Variants in A2ML1 observed in about 807,000 individuals in gnomAD.
A2ML1 encodes the protein alpha-2-macroglobulin like 1, also known as alpha-2-macroglobulin-like protein 1.
A2ML1 carries 161 observed loss-of-function variants against 181.9 expected under a neutral mutation model. The observed-to-expected ratio is 0.89, with a 90% CI of 0.78 to 1.01. The LOEUF (loss-of-function observed/expected upper bound fraction) is 1.01. Among genes scored for constraint, A2ML1 ranks in the 50% least tolerant of loss-of-function variants. The pLI is 0.00. For missense variants in A2ML1, 1,670 were observed against 1,768.1 expected, an observed-to-expected ratio of 0.94 and a Z score of 1.00; for synonymous variants, 663 against 666.8, an observed-to-expected ratio of 0.99 and a Z score of 0.09.
intron 24 of A2ML1, 27 bp from the exon 25 acceptor site, chr12:8,857,480 G>C: frequency 6.2e-7 from 1 of 1,611,492 alleles, no homozygotes; most frequent in Non-Finnish European, 8.5e-7. Context: ...TTGTCGCTGT[G>C]ATCTAAAACC....
downstream of A2ML1, among the ~76,000 whole-genome samples, chr12:8,877,188 T>C (rs757634330): frequency 2.0e-5 from 3 of 152,242 alleles, no homozygotes; most frequent in Non-Finnish European, 2.9e-5. Flanking sequence ...GGAAGTAAGA[T>C]GAATGATATT....
intron 15 of A2ML1, among the ~76,000 whole-genome samples, chr12:8,847,905 C>T (rs7977933): frequency 1.3e-5 from 2 of 151,504 alleles, no homozygotes; most frequent in Non-Finnish European, 2.9e-5. Context: ...TTTGTGAGGC[C>T]GAGGCTGGCA....
At chr12:8,880,341 C>A (rs114016609), downstream of A2ML1, among the ~76,000 whole-genome samples, 1 of 151,916 alleles carries the variant, frequency 6.6e-6, no homozygotes, top group Non-Finnish European at 1.5e-5. Context: ...ACTCCAGGAG[C>A]CTGGGCAACA....
Position 8,867,910 on chromosome 12 carries a change from C to G in A2ML1, c.3786C>G (p.Ile1262Met). 1.2e-6 allele frequency: 2 copies of G among 1,614,238 alleles called. No individual in the cohort carries two copies. Among genetic ancestry groups the G allele is most frequent in the Non-Finnish European group, 1.7e-6 (2 of 1,180,044 alleles). Residue 1262 changes from isoleucine to methionine, a missense_variant, in exon 30 of 36, where the codon ATC becomes ATG. Coordinates refer to ENST00000299698, the MANE Select transcript of A2ML1 (RefSeq NM_144670.6). The part of the protein sequence containing the change: ...ATTAYMPSEE[I>M]NLVVKSTENF... ...CCGCCTACATGCCATCTGAGGAGAT[C>G]AACCTGGTTGTAAAATCCACTGAGA...
At chr12:8,854,358 G>A (rs1592139354) in intron 21 of A2ML1, 109 bp downstream of exon 21, 2 of 1,454,568 alleles carry the variant, frequency 1.4e-6, no homozygotes, top group East Asian at 2.3e-5. Flanking sequence ...CAACCAGGCA[G>A]CTTCAACTTT....
intron 3 of A2ML1, among the ~76,000 whole-genome samples, chr12:8,825,224 G>A (rs1942890843): frequency 6.6e-6 from 1 of 151,996 alleles, no homozygotes; most frequent in Admixed American, 6.6e-5. Flanking sequence ...AGTGTATGAG[G>A]GTTCTCTTTT....
intron 13 of A2ML1, among the ~76,000 whole-genome samples, chr12:8,845,865 T>TAAATAAAATAAAATAAAATA (rs140753342): frequency 1.5e-5 from 2 of 131,210 alleles, no homozygotes; most frequent in Non-Finnish European, 3.1e-5. Context: ...AAAAAAAAAA[T>TAAATAAAATAAAATAAAATA]AAATAAAATA....
At chr12:8,878,789 T>TC (rs1176748491), downstream of A2ML1, among the ~76,000 whole-genome samples, 3 of 151,864 alleles carry the variant, frequency 2.0e-5, no homozygotes, top group African/African-American at 7.3e-5. This position sits in a 1 kb window ranked among gnomAD's most constrained non-coding sequence, Gnocchi z 4.4. Flanking sequence ...ATGGCAAAAC[T>TC]CCATCTCTAC....
intron 28 of A2ML1, among the ~76,000 whole-genome samples, chr12:8,861,695 G>T (rs1266685792): frequency 6.6e-6 from 1 of 151,638 alleles, no homozygotes; most frequent in Non-Finnish European, 1.5e-5. Flanking sequence ...CACCGTGTTA[G>T]CCAGGATGGT....
chr12:8,878,353 A>G (rs1472241245), downstream of A2ML1, among the ~76,000 whole-genome samples: 1 of 152,248 alleles, frequency 6.6e-6, no homozygotes. This position sits in a 1 kb window ranked among gnomAD's most constrained non-coding sequence, Gnocchi z 4.4. Flanking sequence ...TTGCAGCAGC[A>G]TGGATGCAGC....
chr12:8,827,719 C>T (rs983745194), intron 3 of A2ML1, among the ~76,000 whole-genome samples: 4 of 152,220 alleles, frequency 2.6e-5, no homozygotes, highest in Non-Finnish European at 5.9e-5. Context: ...GCATTCTGGA[C>T]TTGTTTGTAC....
At position 8,857,549 on chromosome 12, in the gene A2ML1, A is replaced by C. The variant is rs1282867800; in HGVS notation, c.3068A>C (p.Tyr1023Ser). ...ATGTACAAACACAGCAATGGCTCAT[A>C]CAGTGCCTTTGGGGAGCGAGATGGA... ...ELMYKHSNGS[Y>S]SAFGERDGNG... The change falls in exon 25 of 36, where the codon TAC (tyrosine) becomes TCC (serine). Residue 1023 changes from tyrosine to serine, a missense_variant. Coordinates refer to ENST00000299698, the MANE Select transcript of A2ML1 (RefSeq NM_144670.6). 8.7e-6 allele frequency: 14 copies of C among 1,612,350 alleles called. No individual in the cohort carries two copies. The highest frequency in any genetic ancestry group is 1.2e-5 in the Non-Finnish European group (14 of 1,179,332).
At chr12:8,849,454 T>C (rs1037376398) in intron 16 of A2ML1, among the ~76,000 whole-genome samples, 1 of 152,218 alleles carries the variant, frequency 6.6e-6, no homozygotes, top group African/African-American at 2.4e-5. Flanking sequence ...TACATGTATG[T>C]AATGATGAAA....
intron 3 of A2ML1, among the ~76,000 whole-genome samples, chr12:8,825,105 T>C (rs1052028565): frequency 1.2e-4 from 18 of 152,232 alleles, no homozygotes; most frequent in African/African-American, 4.3e-4. Context: ...TTTGTATATA[T>C]ACTTAGCAGT....
Position 8,823,331 on chromosome 12 carries a change from TGAA to T in A2ML1, c.218_220del (p.Lys73del). 6.2e-7 allele frequency: 1 copy of T among 1,613,986 alleles called. No homozygotes were observed. Among genetic ancestry groups the T allele is most frequent in the Middle Eastern group, 1.7e-4 (1 of 6,060 alleles). On this transcript the variant is annotated inframe_deletion, in exon 2 of 36. Transcript: ENST00000299698. ...CAGAAGTTGCTAGAATACTCTGGAC[TGAA>T]GAAGAGGCACTTACATTGTATCTCC...
chr12:8,860,307 A>G (rs2136927086), intron 26 of A2ML1, among the ~76,000 whole-genome samples: 1 of 152,288 alleles, frequency 6.6e-6, no homozygotes, highest in East Asian at 1.9e-4. Flanking sequence ...CTTGGCCTCA[A>G]GCTGGGATAA....
In A2ML1 at chr12:8,839,145, AT is replaced by A. The variant is rs761947741; in HGVS notation, c.1006del (p.Ser336LeufsTer7). The stretch of plus-strand genomic sequence containing the variant: ...GGCCAATGCCACTCAGAATATCTAC[AT>A]TTCTCCACAAATGGGATCAATGACC... ...VEANATQNIY[I>X]SPQMGSMTFE... On this transcript the variant is annotated frameshift_variant, in exon 10 of 36. Coordinates refer to ENST00000299698, the MANE Select transcript of A2ML1 (RefSeq NM_144670.6). LOFTEE classifies it high-confidence loss of function. 1.9e-6 allele frequency: 3 copies of A among 1,613,344 alleles called. No homozygotes were observed. The African/African-American group carries it at 4.0e-5, about 22-fold the overall frequency.
At chr12:8,861,645 G>T (rs988587279) in intron 28 of A2ML1, among the ~76,000 whole-genome samples, 13 of 151,766 alleles carry the variant, frequency 8.6e-5, no homozygotes, top group African/African-American at 3.1e-4. Context: ...CCACCACCAC[G>T]CCCGGCGAAT....
At chr12:8,881,321 G>A (rs1268743824), downstream of A2ML1, among the ~76,000 whole-genome samples, 1 of 152,214 alleles carries the variant, frequency 6.6e-6, no homozygotes, top group Non-Finnish European at 1.5e-5. Flanking sequence ...ACAAGTTGTG[G>A]AAACATTAAC....
Sources: allele counts gnomAD v4.1 joint callset (sites outside exome capture counted in the v4.1 genomes callset), GRCh38; gene constraint gnomAD v4.1.1; non-coding constraint Gnocchi (gnomAD v3.1); transcripts MANE v1.5; gene names NCBI Gene and HGNC (gene_info 2026-07-23, HGNC 2026-07-21).